PNKD: variants seen among roughly 807,000 people sequenced by gnomAD.
PNKD encodes probable thioesterase PNKD.
A neutral mutation model predicts 45.3 loss-of-function variants in PNKD; 36 were observed. That is an observed-to-expected ratio of 0.80 (90% CI 0.61 to 1.05). The LOEUF is 1.05. PNKD is among the 50% of genes least tolerant of loss of function. PNKD has a pLI of 0.00. For missense variants in PNKD, 511 were observed against 506.6 expected, an observed-to-expected ratio of 1.01 and a Z score of -0.08; for synonymous variants, 197 against 210.1, an observed-to-expected ratio of 0.94 and a Z score of 0.54.
At chr2:218,273,095 G>T in intron 2 of PNKD, 1 of 478,264 alleles carries the variant, frequency 2.1e-6, no homozygotes, top group Non-Finnish European at 3.5e-6. Context: ...CTAGGCCCCG[G>T]GCCCTCGGGA....
At chr2:218,320,857 T>C (rs6750882) in intron 2 of PNKD, among the ~76,000 whole-genome samples, 4,729 of 152,288 alleles carry the variant, frequency 0.031, 238 homozygotes, top group African/African-American at 0.11. Context: ...TCAGCCTGGA[T>C]GGGATAGAAA....
intron 2 of PNKD, among the ~76,000 whole-genome samples, chr2:218,273,451 T>G (rs1420071031): frequency 4.7e-5 from 7 of 149,742 alleles, no homozygotes; most frequent in Non-Finnish European, 7.4e-5. Flanking sequence ...TTTGTGTTTT[T>G]TTTTTTTTTT....
chr2:218,296,973 G>A (rs532760492), intron 2 of PNKD, among the ~76,000 whole-genome samples: 34 of 152,224 alleles, frequency 2.2e-4, no homozygotes, highest in African/African-American at 6.5e-4. Context: ...CTACCGCGCC[G>A]CCCGAAGTTG....
intron 2 of PNKD, among the ~76,000 whole-genome samples, chr2:218,329,051 A>T (rs1384222100): frequency 6.6e-6 from 1 of 152,140 alleles, no homozygotes; most frequent in African/African-American, 2.4e-5. Flanking sequence ...CTACTAAAAG[A>T]TACAAAAATT....
intron 2 of PNKD, among the ~76,000 whole-genome samples, chr2:218,335,118 T>C (rs768909032): frequency 2.0e-5 from 3 of 151,792 alleles, no homozygotes; most frequent in Non-Finnish European, 4.4e-5. Context: ...GCCACCACAC[T>C]CCAGCCTGGC....
chr2:218,278,457 TCGGC>T (rs1402188376), intron 2 of PNKD: 188 of 1,544,326 alleles, frequency 1.2e-4, no homozygotes, highest in Non-Finnish European at 4.5e-6. Context: ...TCCAAAATAC[TCGGC>T]CCCCATCCCA....
intron 2 of PNKD, chr2:218,277,777 G>A (rs1419909451): frequency 6.5e-7 from 1 of 1,549,946 alleles, no homozygotes; most frequent in Non-Finnish European, 8.9e-7. Context: ...ACGCCACCAA[G>A]TTGGAAAGAG....
intron 2 of PNKD, among the ~76,000 whole-genome samples, 160 bp downstream of exon 2, chr2:218,271,709 G>T (rs551716339): frequency 6.6e-5 from 10 of 152,298 alleles, no homozygotes; most frequent in Non-Finnish European, 1.5e-4. Flanking sequence ...GGGCAGTGGA[G>T]GTGGGAAAGT....
At position 218,278,161 on chromosome 2, in the gene PNKD, C is replaced by T. The variant is rs1691439779; in HGVS notation, c.236+6612C>T. 8 of 649,422 alleles carry T rather than the reference C, an allele frequency of 1.2e-5. No homozygotes were observed. The South Asian group carries it at 1.3e-4, about 11-fold the overall frequency. The allele number at this position is 649,422 out of a possible 1,614,324, so 40.2% of individuals were successfully genotyped here. On this transcript the variant is annotated intron_variant, in intron 2 of 9. Transcript: ENST00000273077. Reference sequence around the variant, plus strand: ...GCAGGGACAACATGGGCCAATGAGACAGACCTGTGTTGTGGCGCCAGAAAC... The same window carrying T: ...GCAGGGACAACATGGGCCAATGAGATAGACCTGTGTTGTGGCGCCAGAAAC...
At chr2:218,310,189 A>G (rs988066932) in intron 2 of PNKD, among the ~76,000 whole-genome samples, 1 of 151,970 alleles carries the variant, frequency 6.6e-6, no homozygotes, top group Non-Finnish European at 1.5e-5. Context: ...GCCCTGTTAC[A>G]GTCAAGTGCC....
At chr2:218,312,033 G>C (rs548847465) in intron 2 of PNKD, among the ~76,000 whole-genome samples, 1 of 152,338 alleles carries the variant, frequency 6.6e-6, no homozygotes, top group East Asian at 1.9e-4. Context: ...GGCACATCCT[G>C]CACAGCCCTA....
At chr2:218,341,313 G>A (rs560973432) in intron 5 of PNKD, among the ~76,000 whole-genome samples, 84 of 152,344 alleles carry the variant, frequency 5.5e-4, no homozygotes, top group Middle Eastern at 3.4e-3. Context: ...GACCTGAGCT[G>A]AGGGTTCAGG....
chr2:218,297,756 T>C (rs1057032415), intron 2 of PNKD, among the ~76,000 whole-genome samples: 12 of 149,072 alleles, frequency 8.0e-5, no homozygotes, highest in Admixed American at 5.4e-4. Flanking sequence ...TCCCAGCACT[T>C]TGAGAGGCCG....
intron 2 of PNKD, among the ~76,000 whole-genome samples, chr2:218,324,881 G>GCCGAGAT (rs1180965942): frequency 6.6e-6 from 1 of 151,054 alleles, no homozygotes; most frequent in Non-Finnish European, 1.5e-5. Context: ...GTTGCAGTAA[G>GCCGAGAT]CCGAGATCGC....
chr2:218,302,544 C>T (rs976539183), intron 2 of PNKD, among the ~76,000 whole-genome samples: 1 of 152,182 alleles, frequency 6.6e-6, no homozygotes, highest in African/African-American at 2.4e-5. Flanking sequence ...GTTCCAGAAA[C>T]TTCCAGGAGA....
At chr2:218,313,326 G>C (rs1373691643) in intron 2 of PNKD, among the ~76,000 whole-genome samples, 1 of 152,134 alleles carries the variant, frequency 6.6e-6, no homozygotes. Flanking sequence ...GGTCAGGCTG[G>C]TCTGGAACTC....
intron 2 of PNKD, among the ~76,000 whole-genome samples, chr2:218,293,840 G>A (rs1191563162): frequency 2.0e-5 from 3 of 147,910 alleles, no homozygotes; most frequent in Non-Finnish European, 4.5e-5. Flanking sequence ...TCAAACCCCT[G>A]AGCTCAAAGC....
chr2:218,323,660 G>A (rs1694060984), intron 2 of PNKD, among the ~76,000 whole-genome samples: 1 of 152,094 alleles, frequency 6.6e-6, no homozygotes, highest in African/African-American at 2.4e-5. Flanking sequence ...TCGGAGAGGC[G>A]GGCCAGGGTG....
chr2:218,309,040 G>C (rs1437467586), intron 2 of PNKD, among the ~76,000 whole-genome samples: 1 of 151,838 alleles, frequency 6.6e-6, no homozygotes, highest in Non-Finnish European at 1.5e-5. Flanking sequence ...GATCATTCAA[G>C]ATCAGCCTGG....
Sources: gnomAD v4.1 joint callset for allele counts (sites outside exome capture counted in the v4.1 genomes callset) on GRCh38, gnomAD v4.1.1 for gene constraint, MANE v1.5 for transcripts, NCBI Gene and HGNC (gene_info 2026-07-23, HGNC 2026-07-21) for gene names.